MAK: variants seen among roughly 807,000 people sequenced by gnomAD.
The protein encoded by MAK is serine/threonine-protein kinase MAK.
MAK carries 65 observed loss-of-function variants against 82.6 expected under a neutral mutation model. That is an observed-to-expected ratio of 0.79 (90% CI 0.64 to 0.97). MAK has a LOEUF of 0.97. Among genes scored for constraint, MAK ranks in the 50% least tolerant of loss-of-function variants. MAK has a pLI of 0.00. For synonymous variants in MAK, 250 were observed against 274.2 expected (o/e 0.91, Z 0.87); for missense variants, 703 against 780.2 (o/e 0.90, Z 1.18).
intron 9 of MAK, among the ~76,000 whole-genome samples, chr6:10,795,641 G>C (rs1775476889): frequency 6.6e-6 from 1 of 151,624 alleles, no homozygotes; most frequent in African/African-American, 2.4e-5. Flanking sequence ...CTACTTGGGA[G>C]GCTGAGGCAG....
chr6:10,796,534 G>A (rs759581166), intron 8 of MAK, among the ~76,000 whole-genome samples: 1 of 152,166 alleles, frequency 6.6e-6, no homozygotes, highest in Non-Finnish European at 1.5e-5. Context: ...GGCTGGGCAT[G>A]GTGGCTCACG....
intron 13 of MAK, among the ~76,000 whole-genome samples, chr6:10,770,727 C>T (rs571980692): frequency 2.6e-5 from 4 of 152,260 alleles, no homozygotes; most frequent in East Asian, 1.9e-4. Flanking sequence ...ACGCATTAAA[C>T]GTCAGCTAGC....
intron 10 of MAK, among the ~76,000 whole-genome samples, chr6:10,788,424 A>G (rs1774780950): frequency 6.6e-6 from 1 of 152,132 alleles, no homozygotes; most frequent in African/African-American, 2.4e-5. Context: ...TCAGAATGAC[A>G]TGGGTTTTAA....
At chr6:10,790,482 G>A (rs181770254) in intron 10 of MAK, among the ~76,000 whole-genome samples, 27 of 151,960 alleles carry the variant, frequency 1.8e-4, no homozygotes, top group African/African-American at 4.8e-4. Context: ...CTTCAAAGTC[G>A]AATAATGTAC....
At chr6:10,818,004 TA>T (rs746127207) in intron 3 of MAK, 33 bp from the exon 4 acceptor site, 17 of 1,356,110 alleles carry the variant, frequency 1.3e-5, no homozygotes, top group South Asian at 3.8e-5. Context: ...TAAAATTTCT[TA>T]AAAAAAACTT....
chr6:10,815,912 G>GTATATATATATA lies in MAK; in HGVS notation c.278+1926_278+1937dup, dbSNP rs3064109. Among the ~76,000 whole-genome samples, 260 of 108,218 alleles carry GTATATATATATA rather than the reference G, an allele frequency of 2.4e-3. 2 individuals carry two copies. The highest frequency in any genetic ancestry group is 5.3e-3 in the African/African-American group (115 of 21,774). 71.0% of individuals were successfully genotyped at this position (108,218 alleles called of 152,430 possible). A position where few individuals can be genotyped will look rare whatever the true frequency, so the allele number is the denominator to read the frequency against. On this transcript the variant is annotated intron_variant, in intron 4 of 14. Transcript: ENST00000354489. ...TACTGTATTAGTGTAGCTTTATACA[G>GTATATATATATA]TATATATATATATATATATATATAT... is the stretch of plus-strand genomic sequence containing the variant.
At chr6:10,811,235 G>C (rs533264194) in intron 5 of MAK, among the ~76,000 whole-genome samples, 2 of 152,362 alleles carry the variant, frequency 1.3e-5, no homozygotes, top group South Asian at 2.1e-4. Context: ...CTCACCTCAA[G>C]TGATCCGCCT....
intron 4 of MAK, 65 bp downstream of exon 4, chr6:10,817,785 C>T: frequency 7.8e-7 from 1 of 1,275,640 alleles, no homozygotes. Flanking sequence ...TAAAGTATGA[C>T]ATATCAAAAG....
At chr6:10,814,740 T>G (rs184195578) in intron 4 of MAK, among the ~76,000 whole-genome samples, 1 of 151,050 alleles carries the variant, frequency 6.6e-6, no homozygotes, top group East Asian at 2.0e-4. Flanking sequence ...CATATTGGTG[T>G]TGTCCAGTAG....
chr6:10,773,572 C>G (rs1049501866), intron 12 of MAK, among the ~76,000 whole-genome samples: 2 of 152,028 alleles, frequency 1.3e-5, no homozygotes, highest in Admixed American at 6.6e-5. Flanking sequence ...CAAACTGTAC[C>G]TCTTCACACA....
chr6:10,823,529 G>T (rs10946802), intron 2 of MAK, among the ~76,000 whole-genome samples: 24,115 of 151,938 alleles, frequency 0.16, 1,977 homozygotes, highest in Middle Eastern at 0.24. Flanking sequence ...AATGTAGAAC[G>T]TATTTATTTA....
In MAK at chr6:10,830,746, CA is replaced by C. The variant is rs1778756497; in HGVS notation, c.-99del. ...TAATTTTTATTTGCTTTTGTCCTCA[CA>C]CTGTTGTTGCTACACTGGTGACAGG... On this transcript the variant is annotated 5_prime_UTR_variant, in exon 2 of 15. An upstream open reading frame in the 5' UTR loses its in-frame stop. Transcript: ENST00000354489. 2 of 921,536 alleles carry C rather than the reference CA, an allele frequency of 2.2e-6. No homozygotes were observed. Among genetic ancestry groups the C allele is most frequent in the African/African-American group, 3.2e-5 (2 of 61,788 alleles). 57.1% of individuals were successfully genotyped at this position (921,536 alleles called of 1,614,324 possible). A position where few individuals can be genotyped will look rare whatever the true frequency, so the allele number is the denominator to read the frequency against.
At position 10,791,718 on chromosome 6, in the gene MAK, T is replaced by A; in HGVS notation, c.1273A>T (p.Met425Leu). 1 of 1,614,148 alleles carries A rather than the reference T, an allele frequency of 6.2e-7. No individual in the cohort carries two copies. The highest frequency in any genetic ancestry group is 8.5e-7 in the Non-Finnish European group (1 of 1,180,000). Residue 425 changes from methionine (M) to leucine (L), a missense_variant, in exon 10 of 15, where the codon ATG becomes TTG. Physicochemically the swap from Met to Leu is conservative, Grantham distance 15. Transcript: ENST00000354489. ...TTCCTTTTTTCTTTAAAAACACCCATGCTTGGCTTCTTGGAATGGGAGGCT... is the reference window on the plus strand; with the variant it reads ...TTCCTTTTTTCTTTAAAAACACCCAAGCTTGGCTTCTTGGAATGGGAGGCT... ...FGASHSKKPS[M>L]GVFKEKRKKD...
Position 10,784,470 on chromosome 6 carries a change from A to G in MAK, c.1419T>C (p.Ala473=). The G allele has an allele frequency of 6.2e-7, 1 of 1,614,182 alleles. No homozygotes were observed. The highest frequency in any genetic ancestry group is 8.5e-7 in the Non-Finnish European group (1 of 1,180,014). The change falls in exon 11 of 15, where the codon GCT becomes GCC. Residue 473 remains alanine, a synonymous_variant. Coordinates refer to ENST00000354489, the MANE Select transcript of MAK (RefSeq NM_001242957.3). ...SLKSDSELST[A]PTSKQYYLKQ... ...TCAAGTAGTACTGTTTAGAGGTTGGAGCAGTTGACAATTCGGAATCAGATT... is the reference window on the plus strand; with the variant it reads ...TCAAGTAGTACTGTTTAGAGGTTGGGGCAGTTGACAATTCGGAATCAGATT...
chr6:10,813,919 T>C (rs1285148648), intron 4 of MAK, among the ~76,000 whole-genome samples, 196 bp from the exon 5 acceptor site: 1 of 152,132 alleles, frequency 6.6e-6, no homozygotes, highest in African/African-American at 2.4e-5. Flanking sequence ...TGATGTGAGG[T>C]AAAAACTCAA....
intron 2 of MAK, among the ~76,000 whole-genome samples, chr6:10,823,079 C>T (rs1778085287): frequency 6.6e-6 from 1 of 152,170 alleles, no homozygotes; most frequent in African/African-American, 2.4e-5. Context: ...AAAGGTTTGC[C>T]TGCTGAATTA....
chr6:10,805,512 G>C (rs551592930), intron 6 of MAK, among the ~76,000 whole-genome samples: 2 of 151,638 alleles, frequency 1.3e-5, no homozygotes, highest in African/African-American at 4.9e-5. Context: ...ACTTGAATCC[G>C]GGAGGCAGAG....
chr6:10,796,332 A>G (rs1416740144), intron 8 of MAK, 23 bp from the exon 9 acceptor site: 2 of 1,590,790 alleles, frequency 1.3e-6, no homozygotes, highest in East Asian at 2.2e-5. Context: ...AGAGAAAACA[A>G]CAAATGGAAA....
Position 10,800,183 on chromosome 6 carries a change from C to G in MAK, c.831+1709G>C, listed in dbSNP as rs1775906547. Reference sequence around the variant, plus strand: ...CGGGAGGCTGAGGCAGGAGAATCGCCTGAACCCAGGAGGCGGAGGTTGCAG... The same window carrying G: ...CGGGAGGCTGAGGCAGGAGAATCGCGTGAACCCAGGAGGCGGAGGTTGCAG... On this transcript the variant is annotated intron_variant, in intron 8 of 14. Transcript: ENST00000354489. The surrounding 1 kb of genome is among the most constrained non-coding windows in gnomAD (Gnocchi z 4.2). Among the ~76,000 whole-genome samples, 1 of 151,550 alleles carries G rather than the reference C, an allele frequency of 6.6e-6. No individual in the cohort carries two copies. The highest frequency in any genetic ancestry group is 6.6e-5 in the Admixed American group (1 of 15,202).
Sources: allele counts gnomAD v4.1 joint callset (sites outside exome capture counted in the v4.1 genomes callset), GRCh38; gene constraint gnomAD v4.1.1; non-coding constraint Gnocchi (gnomAD v3.1); transcripts MANE v1.5; gene names NCBI Gene and HGNC (gene_info 2026-07-23, HGNC 2026-07-21).